The following CYTH1 variants were observed in gnomAD, a reference collection of about 807,000 sequenced individuals.
CYTH1 encodes the protein cytohesin-1.
A neutral mutation model predicts 61.8 loss-of-function variants in CYTH1; 18 were observed. The ratio of observed to expected loss-of-function variants is 0.29; its 90% CI spans 0.20 to 0.43. The LOEUF is 0.43. Among genes scored for constraint, CYTH1 ranks in the 20% least tolerant of loss-of-function variants. The probability of loss-of-function intolerance (pLI) is 1.00; values close to 1 mark genes in which losing one functional copy is unlikely to be tolerated. For synonymous variants in CYTH1, 174 were observed against 184.3 expected, an observed-to-expected ratio of 0.94 and a Z score of 0.45; for missense variants, 336 against 510.5, an observed-to-expected ratio of 0.66 and a Z score of 3.29.
At chr17:78,708,957 C>T (rs2093098153) in intron 2 of CYTH1, 1 of 152,288 alleles carries the variant, frequency 6.6e-6, no homozygotes, top group Admixed American at 6.5e-5. Flanking sequence ...AACAGGATTC[C>T]CTCCTTAACC....
In CYTH1 at chr17:78,692,300, C is replaced by T. The variant is rs75909760; in HGVS notation, c.891+117G>A. 2.5e-3 allele frequency: 2,497 copies of T among 1,017,062 alleles called. 51 individuals carry two copies. In the African/African-American group the frequency reaches 0.036, roughly 15 times the overall value. 63.0% of individuals were successfully genotyped at this position (1,017,062 alleles called of 1,614,324 possible). ...GCACTTTGCTTAAACTCTCCCCCAT[C>T]CCCCACAGATACTGAAGGGCAAATC... On this transcript the variant is annotated intron_variant, in intron 11 of 13. Transcript: ENST00000446868.
At chr17:78,715,123 G>A (rs533874311) in intron 1 of CYTH1, among the ~76,000 whole-genome samples, 1 of 152,146 alleles carries the variant, frequency 6.6e-6, no homozygotes, top group South Asian at 2.1e-4. Context: ...ATTCTCATAG[G>A]AAAAATTCAG....
intron 1 of CYTH1, among the ~76,000 whole-genome samples, chr17:78,772,470 T>C (rs2093475250): frequency 6.6e-6 from 1 of 152,214 alleles, no homozygotes; most frequent in Admixed American, 6.5e-5. Flanking sequence ...GATTAACACA[T>C]GGAACATTTA....
At chr17:78,748,724 C>T (rs1057232013) in intron 1 of CYTH1, among the ~76,000 whole-genome samples, 6 of 152,038 alleles carry the variant, frequency 3.9e-5, no homozygotes, top group Admixed American at 1.3e-4. Flanking sequence ...TAAGTAAAAA[C>T]GGGTGGGCGG....
chr17:78,708,059 G>T (rs977867622), intron 3 of CYTH1, 138 bp downstream of exon 3: 6 of 786,304 alleles, frequency 7.6e-6, no homozygotes, highest in Middle Eastern at 2.7e-4. Context: ...CAGACATTAT[G>T]GGTGTGTATG....
intron 11 of CYTH1, among the ~76,000 whole-genome samples, chr17:78,682,287 C>G (rs1191360238): frequency 1.3e-5 from 2 of 152,116 alleles, no homozygotes; most frequent in Non-Finnish European, 2.9e-5. Flanking sequence ...TGTGACCTTA[C>G]CACCAAAACC....
chr17:78,688,787 T>C (rs1483814457), intron 11 of CYTH1, among the ~76,000 whole-genome samples: 2 of 152,232 alleles, frequency 1.3e-5, no homozygotes, highest in Non-Finnish European at 2.9e-5. Flanking sequence ...GAAGCTTTCA[T>C]GGCTTTGTTG....
chr17:78,687,903 A>C (rs1253839960), intron 11 of CYTH1, among the ~76,000 whole-genome samples: 1 of 152,220 alleles, frequency 6.6e-6, no homozygotes, highest in East Asian at 1.9e-4. Context: ...GCAACTCAGA[A>C]ACTCTGGCCA....
At chr17:78,703,411 C>CAAAA (rs67437891) in intron 3 of CYTH1, among the ~76,000 whole-genome samples, 3 of 69,704 alleles carry the variant, frequency 4.3e-5, no homozygotes, top group African/African-American at 5.9e-5. Context: ...ACTCCGTCTC[C>CAAAA]AAAAAAAAAA....
In CYTH1 at chr17:78,724,513, G is replaced by A. The variant is rs146879663; in HGVS notation, c.23-14781C>T. ...TGTGCCTTGCAGGGTGCTTAGCTGC[G>A]TCCCTGGCCTCTACCCACTAGGTGC... On this transcript the variant is annotated intron_variant, in intron 1 of 13. Transcript: ENST00000446868. Among the ~76,000 whole-genome samples the A allele has an allele frequency of 1.1e-3, 175 of 152,236 alleles. 1 individual carries two copies. Among genetic ancestry groups the A allele is most frequent in the African/African-American group, 3.9e-3 (162 of 41,522 alleles).
At chr17:78,716,321 C>CAT (rs748707588) in intron 1 of CYTH1, among the ~76,000 whole-genome samples, 62 of 152,180 alleles carry the variant, frequency 4.1e-4, no homozygotes, top group Admixed American at 1.9e-3. Context: ...CTTTAAAATA[C>CAT]ATATATATAT....
At chr17:78,738,181 G>C (rs1036163827) in intron 1 of CYTH1, among the ~76,000 whole-genome samples, 1 of 152,144 alleles carries the variant, frequency 6.6e-6, no homozygotes, top group Non-Finnish European at 1.5e-5. Context: ...CATCGTAATA[G>C]ATAACATTTA....
intron 1 of CYTH1, among the ~76,000 whole-genome samples, chr17:78,762,076 T>C (rs1315121452): frequency 1.3e-5 from 2 of 152,220 alleles, no homozygotes; most frequent in Non-Finnish European, 1.5e-5. Flanking sequence ...TGTGCCAACA[T>C]CTTCTAGAAT....
intron 1 of CYTH1, among the ~76,000 whole-genome samples, chr17:78,755,412 C>T (rs2093396569): frequency 1.3e-5 from 2 of 150,076 alleles, no homozygotes; most frequent in Admixed American, 1.3e-4. Flanking sequence ...GGATTACAGG[C>T]GTGAGCCACC....
At chr17:78,720,546 T>C (rs969429075) in intron 1 of CYTH1, among the ~76,000 whole-genome samples, 1 of 151,694 alleles carries the variant, frequency 6.6e-6, no homozygotes, top group Non-Finnish European at 1.5e-5. Context: ...CTCAAACTCC[T>C]GACCTCAGGT....
chr17:78,734,203 T>C (rs558169331), intron 1 of CYTH1, among the ~76,000 whole-genome samples: 203 of 151,290 alleles, frequency 1.3e-3, no homozygotes, highest in Non-Finnish European at 2.4e-3. Context: ...TGAGCCAAGA[T>C]TGCACTCCAG....
At chr17:78,726,682 C>T (rs542546202) in intron 1 of CYTH1, among the ~76,000 whole-genome samples, 1 of 152,092 alleles carries the variant, frequency 6.6e-6, no homozygotes, top group East Asian at 1.9e-4. Flanking sequence ...GAGCAAGCTC[C>T]AGGCAGACTG....
At chr17:78,698,156 T>G (rs919181415) in intron 9 of CYTH1, 113 bp downstream of exon 9, 6 of 875,812 alleles carry the variant, frequency 6.9e-6, no homozygotes, top group African/African-American at 5.1e-5. Flanking sequence ...CGCGCACACA[T>G]GCACACGCAC....
chr17:78,708,406 G>A, intron 2 of CYTH1, 145 bp from the exon 3 acceptor site: 1 of 744,248 alleles, frequency 1.3e-6, no homozygotes. Context: ...AAGTAAATTA[G>A]GAAAATTCAT....
Sources: allele counts gnomAD v4.1 joint callset (sites outside exome capture counted in the v4.1 genomes callset), GRCh38; gene constraint gnomAD v4.1.1; transcripts MANE v1.5; gene names NCBI Gene and HGNC (gene_info 2026-07-23, HGNC 2026-07-21).